Variants in GLI3 observed in about 807,000 individuals in gnomAD.
The protein encoded by GLI3 is GLI family zinc finger 3, also known as transcription activator GLI3.
GLI3 carries 20 observed loss-of-function variants against 100.8 expected under a neutral mutation model. The observed-to-expected ratio is 0.20, with a 90% CI of 0.14 to 0.29. GLI3 has a LOEUF of 0.29. GLI3 is among the 10% of genes least tolerant of loss of function. The pLI is 1.00. For missense variants in GLI3, 2,040 were observed against 2,128.5 expected, an observed-to-expected ratio of 0.96 and a Z score of 0.82; for synonymous variants, 938 against 860.5, an observed-to-expected ratio of 1.09 and a Z score of -1.58.
chr7:42,091,260 T>C (rs1785211918), intron 3 of GLI3, among the ~76,000 whole-genome samples: 3 of 152,238 alleles, frequency 2.0e-5, no homozygotes, highest in African/African-American at 7.2e-5. Context: ...CGACAAAAGC[T>C]AAAAGCTGCT....
intron 7 of GLI3, among the ~76,000 whole-genome samples, chr7:42,031,709 C>A (rs1241397635): frequency 1.3e-5 from 2 of 152,124 alleles, no homozygotes; most frequent in Non-Finnish European, 2.9e-5. Flanking sequence ...GCTTACTAAC[C>A]AGAGCAGGTG....
chr7:42,187,528 C>T lies in GLI3; in HGVS notation c.124+35602G>A, dbSNP rs567540165. Among the ~76,000 whole-genome samples the T allele has an allele frequency of 2.6e-5, 4 of 151,944 alleles. No individual in the cohort carries two copies. The East Asian group carries it at 7.8e-4, about 29-fold the overall frequency. On this transcript the variant is annotated intron_variant, in intron 2 of 14. Coordinates refer to ENST00000395925, the MANE Select transcript of GLI3 (RefSeq NM_000168.6). ...TTCATTATTTTTTAAAGCTGAGTAA[C>T]AAAAGAAAATAAAAATCAGGCAATC...
chr7:42,177,196 G>C (rs2128679716), intron 2 of GLI3, among the ~76,000 whole-genome samples: 1 of 152,282 alleles, frequency 6.6e-6, no homozygotes, highest in East Asian at 1.9e-4. Flanking sequence ...AGAGTGGCCA[G>C]AGGTGGAGAG....
At chr7:41,968,747 A>AAG (rs1787280203) in intron 13 of GLI3, among the ~76,000 whole-genome samples, 6 of 122,048 alleles carry the variant, frequency 4.9e-5, no homozygotes, top group Admixed American at 2.4e-4. Context: ...AAAGAAAGAA[A>AAG]GAAAGAAAGA....
intron 1 of GLI3, among the ~76,000 whole-genome samples, chr7:42,232,915 A>G (rs1467507061): frequency 1.3e-5 from 2 of 149,142 alleles, no homozygotes; most frequent in Admixed American, 6.6e-5. Context: ...TAAAAAAACC[A>G]AAAGACACTC....
At chr7:42,142,696 A>T (rs1347486610) in intron 3 of GLI3, among the ~76,000 whole-genome samples, 1 of 151,918 alleles carries the variant, frequency 6.6e-6, no homozygotes, top group Non-Finnish European at 1.5e-5. Context: ...GCTTTGCTCC[A>T]AGTTGTCTTG....
intron 10 of GLI3, among the ~76,000 whole-genome samples, chr7:41,985,613 C>T (rs1467872191): frequency 6.6e-6 from 1 of 152,154 alleles, no homozygotes. Context: ...GCAAGAAAGA[C>T]TGAAATGTTT....
At chr7:42,190,298 A>C (rs1787801529) in intron 2 of GLI3, among the ~76,000 whole-genome samples, 1 of 152,200 alleles carries the variant, frequency 6.6e-6, no homozygotes, top group Admixed American at 6.5e-5. Flanking sequence ...AGGATGGGGA[A>C]CACAACAAAC....
intron 2 of GLI3, among the ~76,000 whole-genome samples, chr7:42,167,170 C>G (rs1787263049): frequency 6.6e-6 from 1 of 152,070 alleles, no homozygotes; most frequent in Non-Finnish European, 1.5e-5. Context: ...GCCAGGTTAT[C>G]ACCTAAGAAC....
intron 7 of GLI3, among the ~76,000 whole-genome samples, chr7:42,038,967 A>G (rs1407671437): frequency 6.6e-6 from 1 of 152,232 alleles, no homozygotes; most frequent in Non-Finnish European, 1.5e-5. Context: ...AACCTCACTT[A>G]TTAAAACAAA....
At chr7:42,211,146 G>A (rs941519854) in intron 2 of GLI3, among the ~76,000 whole-genome samples, 3 of 151,842 alleles carry the variant, frequency 2.0e-5, no homozygotes, top group African/African-American at 7.3e-5. Flanking sequence ...TTGAATTTAT[G>A]TGAAAAAGTT....
At chr7:42,019,164 T>A (rs1433164327) in intron 10 of GLI3, among the ~76,000 whole-genome samples, 2 of 152,186 alleles carry the variant, frequency 1.3e-5, no homozygotes, top group African/African-American at 4.8e-5. Flanking sequence ...ATTCTTTCGA[T>A]CTCAGCACTG....
intron 3 of GLI3, among the ~76,000 whole-genome samples, chr7:42,097,473 G>A (rs550253041): frequency 6.6e-6 from 1 of 152,308 alleles, no homozygotes; most frequent in South Asian, 2.1e-4. Context: ...GCTGGAGGGA[G>A]ACGCAGGTGA....
At chr7:42,132,312 G>A (rs545296008) in intron 3 of GLI3, among the ~76,000 whole-genome samples, 25 of 151,968 alleles carry the variant, frequency 1.6e-4, no homozygotes, top group Non-Finnish European at 3.4e-4. Flanking sequence ...ATGTTAGCCA[G>A]GATGGTCTCG....
chr7:41,966,455 C>T lies in GLI3; in HGVS notation c.2618G>A (p.Ser873Asn), dbSNP rs748236766. ...RSSGISPCFS[S>N]RRSSEASQAE... ...CTGTGACGCCTCGCTGGAGCGGCGGCTGGAGAAGCAGGGCGAGATCCCTGA... is the reference window on the plus strand; with the variant it reads ...CTGTGACGCCTCGCTGGAGCGGCGGTTGGAGAAGCAGGGCGAGATCCCTGA... The change falls in exon 15 of 15, where the codon AGC (serine) becomes AAC (asparagine). Residue 873 changes from serine (S) to asparagine (N), a missense_variant. By Grantham distance (46) the Ser-to-Asn change is conservative (BLOSUM62 1). Around this residue, in one of 5 missense-constraint regions of GLI3, gnomAD observed 327 missense variants for 338.7 expected, o/e 0.97. Transcript: ENST00000395925. This position sits in a 1 kb window ranked among gnomAD's most constrained non-coding sequence, Gnocchi z 5.8. 4.3e-6 allele frequency: 7 copies of T among 1,612,316 alleles called. No homozygotes were observed. Among genetic ancestry groups the T allele is most frequent in the Non-Finnish European group, 5.9e-6 (7 of 1,179,646 alleles).
chr7:42,226,376 T>C (rs2128703788), intron 1 of GLI3, among the ~76,000 whole-genome samples: 1 of 152,294 alleles, frequency 6.6e-6, no homozygotes, highest in South Asian at 2.1e-4. Context: ...CTGGTTTTTG[T>C]GGAGTTGTTG....
At chr7:42,164,727 G>A (rs2128672883) in intron 2 of GLI3, among the ~76,000 whole-genome samples, 1 of 151,656 alleles carries the variant, frequency 6.6e-6, no homozygotes, top group Non-Finnish European at 1.5e-5. Flanking sequence ...CTATTCGGGA[G>A]GCTGAGGCAG....
chr7:42,252,672 A>G (rs542432100), intron 1 of GLI3, among the ~76,000 whole-genome samples: 2 of 152,296 alleles, frequency 1.3e-5, no homozygotes, highest in South Asian at 2.1e-4. Flanking sequence ...CAAGAAAAGT[A>G]AAAGTATTAA....
rs746945330 is a variant in GLI3, at chr7:42,045,362, A to G, written c.826+22T>C. The G allele has an allele frequency of 4.3e-6, 7 of 1,610,804 alleles. 1 individual carries two copies. In the East Asian group the frequency reaches 1.6e-4, roughly 36 times the overall value. On this transcript the variant is annotated intron_variant, in intron 6 of 14. Coordinates refer to ENST00000395925, the MANE Select transcript of GLI3 (RefSeq NM_000168.6). The stretch of plus-strand genomic sequence containing the variant: ...TGCCTTTGCCATTTCCCAAGACTCT[A>G]GAAACCAGCCCCGTCACTTACTATC...
Sources: gnomAD v4.1 joint callset for allele counts (sites outside exome capture counted in the v4.1 genomes callset) on GRCh38, gnomAD v4.1.1 for gene constraint, gnomAD v4.1.1 regional missense constraint, Gnocchi (gnomAD v3.1) non-coding constraint, MANE v1.5 for transcripts, NCBI Gene and HGNC (gene_info 2026-07-23, HGNC 2026-07-21) for gene names.